The following KIF4A variants were observed in gnomAD, a reference collection of about 807,000 sequenced individuals.
The protein encoded by KIF4A is kinesin family member 4A, also known as chromosome-associated kinesin KIF4A.
A neutral mutation model predicts 105.9 loss-of-function variants in KIF4A; 7 were observed. That is an observed-to-expected ratio of 0.07 (90% CI 0.04 to 0.12). KIF4A has a LOEUF of 0.12. Among genes scored for constraint, KIF4A ranks in the 10% least tolerant of loss-of-function variants. The pLI is 1.00. For missense variants in KIF4A, 558 were observed against 929.2 expected (o/e 0.60, Z 5.19); for synonymous variants, 281 against 331.3 (o/e 0.85, Z 1.65).
intron 9 of KIF4A, among the ~76,000 whole-genome samples, chrX:70,332,506 G>A (rs748974125): frequency 4.5e-5 from 5 of 111,378 alleles, no homozygotes; most frequent in Admixed American, 2.9e-4. Flanking sequence ...ACCGAGTGGC[G>A]AGCGAAAGGA....
intron 7 of KIF4A, among the ~76,000 whole-genome samples, chrX:70,326,950 C>T (rs1180187017): frequency 8.9e-6 from 1 of 112,080 alleles, no homozygotes; most frequent in Non-Finnish European, 1.9e-5. Flanking sequence ...GGATCATTGC[C>T]ATAGATTCTT....
intron 18 of KIF4A, among the ~76,000 whole-genome samples, chrX:70,378,705 G>A (rs1185389053): frequency 1.2e-4 from 11 of 88,382 alleles, no homozygotes; most frequent in Non-Finnish European, 2.4e-4. Flanking sequence ...TCCAGCCTGG[G>A]CAACAAAAGC....
intron 27 of KIF4A, 81 bp downstream of exon 27, chrX:70,406,435 T>C (rs2086300468): frequency 3.9e-6 from 3 of 777,905 alleles, no homozygotes; most frequent in Admixed American, 2.9e-5. Context: ...TATAAGAGGT[T>C]GACAGTTAAA....
At chrX:70,380,262 C>T (rs2086192176) in intron 18 of KIF4A, among the ~76,000 whole-genome samples, 1 of 111,218 alleles carries the variant, frequency 9.0e-6, no homozygotes, top group African/African-American at 3.3e-5. Context: ...GAGCCAAGAC[C>T]GTGCCACTGC....
At position 70,375,099 on chromosome X, in the gene KIF4A, C is replaced by G. The variant is rs766727183; in HGVS notation, c.1779-105C>G. 1.5e-5 allele frequency: 13 copies of G among 894,819 alleles called. No homozygotes were observed. In the African/African-American group the frequency reaches 1.6e-4, roughly 11 times the overall value. 73.7% of individuals were successfully genotyped at this position (894,819 alleles called of 1,213,427 possible). Reference sequence around the variant, plus strand: ...TTAAGATGGCTATGTGACTAGTCACCTATTTTATATATGTCAGTGTTGTAA... The same window carrying G: ...TTAAGATGGCTATGTGACTAGTCACGTATTTTATATATGTCAGTGTTGTAA... On this transcript the variant is annotated intron_variant, in intron 16 of 30. Coordinates refer to ENST00000374403, the MANE Select transcript of KIF4A (RefSeq NM_012310.5).
intron 9 of KIF4A, among the ~76,000 whole-genome samples, chrX:70,332,716 A>T (rs2085935634): frequency 9.0e-6 from 1 of 110,775 alleles, no homozygotes; most frequent in Non-Finnish European, 1.9e-5. Context: ...ATAACAGTGT[A>T]AGATTCATAA....
chrX:70,308,816 C>A (rs1350732261), intron 7 of KIF4A, among the ~76,000 whole-genome samples: 1 of 111,841 alleles, frequency 8.9e-6, no homozygotes, highest in Non-Finnish European at 1.9e-5. Context: ...CACCTTGTTG[C>A]CCAGGCTGGT....
intron 7 of KIF4A, among the ~76,000 whole-genome samples, chrX:70,316,747 G>A (rs2085871124): frequency 9.0e-6 from 1 of 111,727 alleles, no homozygotes; most frequent in African/African-American, 3.3e-5. Context: ...CTTCCCCAAA[G>A]AGTAACCACT....
intron 18 of KIF4A, 117 bp from the exon 19 acceptor site, chrX:70,386,501 G>A (rs1172132113): frequency 3.9e-6 from 2 of 507,581 alleles, no homozygotes; most frequent in African/African-American, 4.7e-5. Flanking sequence ...GATGAAGGCA[G>A]CTCACTGTAT....
At chrX:70,306,606 G>A (rs1300276041) in intron 7 of KIF4A, among the ~76,000 whole-genome samples, 2 of 108,466 alleles carry the variant, frequency 1.8e-5, no homozygotes, top group Non-Finnish European at 3.8e-5. Context: ...GTGTGATCTC[G>A]GCTCACTGCA....
intron 13 of KIF4A, among the ~76,000 whole-genome samples, chrX:70,351,477 T>A (rs1962103293): frequency 8.9e-6 from 1 of 111,981 alleles, no homozygotes; most frequent in Non-Finnish European, 1.9e-5. Flanking sequence ...ATGATTCCAT[T>A]CTTCTTATGG....
intron 15 of KIF4A, among the ~76,000 whole-genome samples, chrX:70,368,849 G>A (rs1042763711): frequency 8.9e-6 from 1 of 112,171 alleles, no homozygotes; most frequent in Non-Finnish European, 1.9e-5. Context: ...CCCCAGAGGT[G>A]GAGTCTACAG....
At chrX:70,368,324 C>G (rs758841070) in intron 15 of KIF4A, among the ~76,000 whole-genome samples, 2 of 112,187 alleles carry the variant, frequency 1.8e-5, no homozygotes, top group Non-Finnish European at 3.8e-5. Flanking sequence ...GAGAGCTGCT[C>G]TGATTGTTAG....
At chrX:70,397,345 G>A (rs1489060740) in intron 22 of KIF4A, among the ~76,000 whole-genome samples, 1 of 111,185 alleles carries the variant, frequency 9.0e-6, no homozygotes, top group Non-Finnish European at 1.9e-5. Context: ...ACTCCTGGGC[G>A]ACAGAGTGAG....
In KIF4A at chrX:70,375,217, C is replaced by T. The variant is rs1280036786; in HGVS notation, c.1792C>T (p.Arg598Cys). The change falls in exon 17 of 31, where the codon CGC becomes TGC. Residue 598 changes from arginine (R) to cysteine (C), a missense_variant. Coordinates refer to ENST00000374403, the MANE Select transcript of KIF4A (RefSeq NM_012310.5). ...DANQAKLSER[R>C]RKRLQELEGQ... ...ATCTGTGTTTAGGTTGAGTGAGCGC[C>T]GCCGCAAACGTCTCCAGGAGCTGGA... 35 of 1,208,452 alleles carry T rather than the reference C, an allele frequency of 2.9e-5. No homozygotes were observed. The highest frequency in any genetic ancestry group is 3.5e-5 in the African/African-American group (2 of 56,965).
chrX:70,310,747 A>G (rs1174914534), intron 7 of KIF4A, among the ~76,000 whole-genome samples: 5 of 111,408 alleles, frequency 4.5e-5, no homozygotes, highest in African/African-American at 1.6e-4. Flanking sequence ...AGTTGATATA[A>G]CATGGAAATT....
chrX:70,290,325 G>A (rs2085753146), intron 1 of KIF4A, 113 bp from the exon 2 acceptor site: 11 of 937,198 alleles, frequency 1.2e-5, no homozygotes, highest in Non-Finnish European at 1.6e-5. Flanking sequence ...CATGGAGCGT[G>A]AATCTCCCAA....
At chrX:70,355,801 G>A in intron 15 of KIF4A, among the ~76,000 whole-genome samples, 1 of 111,140 alleles carries the variant, frequency 9.0e-6, no homozygotes, top group Non-Finnish European at 1.9e-5. Flanking sequence ...AGAACGGATG[G>A]GGCTGCAGGA....
chrX:70,387,436 G>C, intron 20 of KIF4A, 139 bp downstream of exon 20: 1 of 464,412 alleles, frequency 2.2e-6, no homozygotes, highest in South Asian at 4.1e-5. Context: ...ATTTCCTAAA[G>C]ATAGCAATGT....
Sources: allele counts gnomAD v4.1 joint callset (sites outside exome capture counted in the v4.1 genomes callset), GRCh38; gene constraint gnomAD v4.1.1; transcripts MANE v1.5; gene names NCBI Gene and HGNC (gene_info 2026-07-23, HGNC 2026-07-21).